The following MON2 variants were observed in gnomAD, a reference collection of about 807,000 sequenced individuals.
The protein encoded by MON2 is MON2 regulator of endosome-to-Golgi trafficking, also known as protein MON2 homolog.
Under a neutral mutation model 208.6 loss-of-function variants are expected in MON2, and 84 were observed. That is an observed-to-expected ratio of 0.40 (90% CI 0.34 to 0.48). MON2 has a LOEUF of 0.48. MON2 is among the 20% of genes least tolerant of loss of function. The pLI, the probability that MON2 is intolerant of heterozygous loss-of-function variation, is 0.59. For missense variants in MON2, 1,611 were observed against 2,015.4 expected (o/e 0.80, Z 3.84); for synonymous variants, 660 against 694.0 (o/e 0.95, Z 0.77).
chr12:62,504,303 C>T (rs149514987), intron 7 of MON2, among the ~76,000 whole-genome samples: 2,343 of 139,166 alleles, frequency 0.017, 29 homozygotes, highest in Non-Finnish European at 0.024. Flanking sequence ...GGAGTGCAGT[C>T]GCATGATCTC....
intron 25 of MON2, among the ~76,000 whole-genome samples, chr12:62,558,944 C>T (rs765632129): frequency 7.9e-5 from 12 of 152,060 alleles, no homozygotes; most frequent in Non-Finnish European, 1.3e-4. Context: ...GTGATCCACC[C>T]GCCTTGGCCT....
intron 19 of MON2, among the ~76,000 whole-genome samples, chr12:62,540,494 A>G (rs1197075505): frequency 3.9e-5 from 6 of 152,194 alleles, no homozygotes; most frequent in Admixed American, 2.0e-4. Flanking sequence ...GTTAATGTAA[A>G]TCAAAAGAAA....
intron 28 of MON2, 30 bp downstream of exon 28, chr12:62,566,061 C>G (rs758177457): frequency 4.4e-6 from 7 of 1,596,572 alleles, no homozygotes; most frequent in Non-Finnish European, 6.0e-6. Flanking sequence ...ATTGTCCTAA[C>G]CTCTTGGCAA....
chr12:62,467,340 G>A, intron 1 of MON2, 22 bp downstream of exon 1: 1 of 1,592,168 alleles, frequency 6.3e-7, no homozygotes, highest in Non-Finnish European at 8.6e-7. Flanking sequence ...GTGACGTCAG[G>A]AGAAGGCACT....
chr12:62,478,681 G>C (rs1316146776), intron 1 of MON2, among the ~76,000 whole-genome samples: 1 of 152,156 alleles, frequency 6.6e-6, no homozygotes, highest in African/African-American at 2.4e-5. Flanking sequence ...TAGGTCCATA[G>C]TTTGTTTCTT....
chr12:62,587,952 T>C, intron 33 of MON2, 122 bp from the exon 34 acceptor site: 2 of 602,126 alleles, frequency 3.3e-6, no homozygotes. Context: ...ACATTAACCT[T>C]GCATTGTATT....
chr12:62,538,413 A>C lies in MON2; in HGVS notation c.2274-2A>C. 1 of 1,605,674 alleles carries C rather than the reference A, an allele frequency of 6.2e-7. No homozygotes were observed. The highest frequency in any genetic ancestry group is 8.5e-7 in the Non-Finnish European group (1 of 1,173,002). On this transcript the variant is annotated splice_acceptor_variant, in intron 18 of 34. Coordinates refer to ENST00000393630, the MANE Select transcript of MON2 (RefSeq NM_015026.3). LOFTEE classifies it high-confidence loss of function. ...TGTCTTATTTCTTCATTTCCTTTTT[A>C]GGTATCTTGATGATGTATCACTGCA... is the stretch of plus-strand genomic sequence containing the variant.
At chr12:62,493,648 T>G (rs940891302) in intron 2 of MON2, among the ~76,000 whole-genome samples, 1 of 152,124 alleles carries the variant, frequency 6.6e-6, no homozygotes, top group Non-Finnish European at 1.5e-5. Flanking sequence ...TAATAGAGTT[T>G]GTAGCAGAAG....
intron 1 of MON2, chr12:62,470,596 C>A: frequency 5.8e-6 from 2 of 342,196 alleles, no homozygotes; most frequent in Non-Finnish European, 8.6e-6. Context: ...TCCATGATCA[C>A]TTCTATGTGA....
At chr12:62,502,469 A>G (rs1358538754) in intron 7 of MON2, among the ~76,000 whole-genome samples, 2 of 151,824 alleles carry the variant, frequency 1.3e-5, no homozygotes, top group African/African-American at 2.4e-5. Context: ...CTTTAGACAT[A>G]TAACAGTTTA....
At chr12:62,497,059 A>G (rs1293945844) in intron 4 of MON2, among the ~76,000 whole-genome samples, 5 of 143,698 alleles carry the variant, frequency 3.5e-5, no homozygotes, top group African/African-American at 1.3e-4. Flanking sequence ...TCGCAAGAAC[A>G]AAAAACCAAA....
At chr12:62,525,048 A>G (rs775471245) in intron 9 of MON2, 36 bp from the exon 10 acceptor site, 5 of 1,553,932 alleles carry the variant, frequency 3.2e-6, no homozygotes, top group Admixed American at 1.7e-5. Context: ...ATATATTCAA[A>G]TGTTTTTCCC....
At chr12:62,498,872 T>A (rs542602140) in intron 4 of MON2, 47 bp from the exon 5 acceptor site, 9 of 1,542,804 alleles carry the variant, frequency 5.8e-6, no homozygotes, top group Non-Finnish European at 7.0e-6. Flanking sequence ...AGATAATGGC[T>A]TTGCTTTTCA....
intron 26 of MON2, among the ~76,000 whole-genome samples, chr12:62,564,283 T>A (rs1055703085): frequency 5.9e-5 from 9 of 152,108 alleles, no homozygotes; most frequent in African/African-American, 2.2e-4. Flanking sequence ...TACATACTGT[T>A]TTTAAAGAAA....
chr12:62,552,911 G>A lies in MON2; in HGVS notation c.2947G>A (p.Gly983Arg), dbSNP rs1301131255. ...WNISDYFFQR[G>R]ETIEKELNKE... ...TATTTCAGATTATTTTTTCCAAAGA[G>A]GGGAAACTATTGAAAAAGAACTAAA... is the stretch of plus-strand genomic sequence containing the variant. The change falls in exon 24 of 35, where the codon GGG becomes AGG. Residue 983 changes from glycine to arginine, a missense_variant. Transcript: ENST00000393630. The A allele has an allele frequency of 3.1e-6, 5 of 1,613,426 alleles. No homozygotes were observed. The highest frequency in any genetic ancestry group is 4.2e-6 in the Non-Finnish European group (5 of 1,179,642).
chr12:62,494,971 T>C (rs756569223), intron 3 of MON2, 45 bp from the exon 4 acceptor site: 95 of 1,434,662 alleles, frequency 6.6e-5, no homozygotes, highest in Non-Finnish European at 9.1e-5. Flanking sequence ...GACATCAACA[T>C]CTATATTGTA....
chr12:62,546,017 TAAG>T (rs903083316), intron 21 of MON2, among the ~76,000 whole-genome samples: 30 of 152,156 alleles, frequency 2.0e-4, no homozygotes, highest in Admixed American at 3.9e-4. Context: ...AGAAGAAAGT[TAAG>T]AATGAAGGGT....
intron 3 of MON2, among the ~76,000 whole-genome samples, chr12:62,494,656 T>G (rs2070370220): frequency 6.6e-6 from 1 of 152,208 alleles, no homozygotes; most frequent in African/African-American, 2.4e-5. Flanking sequence ...AATGAAGTAT[T>G]TGTATCTGAA....
intron 27 of MON2, among the ~76,000 whole-genome samples, chr12:62,565,716 A>G (rs1260169253): frequency 6.6e-6 from 1 of 152,120 alleles, no homozygotes; most frequent in African/African-American, 2.4e-5. Flanking sequence ...CAGCTTCTAA[A>G]TCCCTAAGTC....
Sources: gnomAD v4.1 joint callset for allele counts (sites outside exome capture counted in the v4.1 genomes callset) on GRCh38, gnomAD v4.1.1 for gene constraint, MANE v1.5 for transcripts, NCBI Gene and HGNC (gene_info 2026-07-23, HGNC 2026-07-21) for gene names.